Variants in PRKCH observed in about 807,000 individuals in gnomAD.
PRKCH encodes protein kinase C eta type.
PRKCH carries 28 observed loss-of-function variants against 82.5 expected under a neutral mutation model. The observed-to-expected ratio is 0.34, with a 90% CI of 0.25 to 0.47. The LOEUF is 0.47. Among genes scored for constraint, PRKCH ranks in the 20% least tolerant of loss-of-function variants. The pLI is 1.00. For synonymous variants in PRKCH, 322 were observed against 327.4 expected, an observed-to-expected ratio of 0.98 and a Z score of 0.18; for missense variants, 705 against 881.8, an observed-to-expected ratio of 0.80 and a Z score of 2.54.
rs1253050141 is a variant in PRKCH at position 61,549,844 on chromosome 14, T to TGA, written c.*21_*22dup. 1.2e-6 allele frequency: 2 copies of TGA among 1,610,782 alleles called. No individual in the cohort carries two copies. Among genetic ancestry groups the TGA allele is most frequent in the African/African-American group, 2.7e-5 (2 of 74,572 alleles). Reference sequence around the variant, plus strand: ...ATTGCAACCATAGCCTTATGGGGAGTGAGAGAGAGGGCACGAGAACCCAAA... The same window carrying TGA: ...ATTGCAACCATAGCCTTATGGGGAGTGAGAGAGAGAGGGCACGAGAACCCAAA... On this transcript the variant is annotated 3_prime_UTR_variant, in exon 14 of 14. Coordinates refer to ENST00000332981, the MANE Select transcript of PRKCH (RefSeq NM_006255.5).
intron 10 of PRKCH, among the ~76,000 whole-genome samples, chr14:61,514,061 A>G (rs2042786157): frequency 6.6e-6 from 1 of 152,072 alleles, no homozygotes; most frequent in Non-Finnish European, 1.5e-5. Flanking sequence ...AGATAGCACC[A>G]GCATTCCAGC....
intron 13 of PRKCH, among the ~76,000 whole-genome samples, chr14:61,548,451 T>C (rs904033003): frequency 2.0e-5 from 3 of 152,228 alleles, no homozygotes; most frequent in Non-Finnish European, 2.9e-5. Flanking sequence ...CAGCTGAGGC[T>C]GGTGGCCTTC....
chr14:61,339,199 C>A (rs1212931426), intron 1 of PRKCH, among the ~76,000 whole-genome samples: 1 of 151,916 alleles, frequency 6.6e-6, no homozygotes, highest in African/African-American at 2.4e-5. Context: ...GATGAGCTGG[C>A]CTCCTGTTCA....
At chr14:61,374,179 A>G (rs1257523952) in intron 1 of PRKCH, among the ~76,000 whole-genome samples, 5 of 152,126 alleles carry the variant, frequency 3.3e-5, no homozygotes, top group African/African-American at 1.2e-4. Context: ...CTTTGACTCC[A>G]TGTCTCACAT....
chr14:61,414,920 T>C (rs1181308238), intron 2 of PRKCH, among the ~76,000 whole-genome samples: 4 of 152,194 alleles, frequency 2.6e-5, no homozygotes, highest in African/African-American at 9.6e-5. Context: ...TTGTCCTTCC[T>C]CTGTTTCCTT....
At chr14:61,455,882 C>T (rs1309177662) in intron 7 of PRKCH, among the ~76,000 whole-genome samples, 1 of 152,128 alleles carries the variant, frequency 6.6e-6, no homozygotes, top group Non-Finnish European at 1.5e-5. Flanking sequence ...AACTGGAAAG[C>T]CAACTGAGGC....
intron 12 of PRKCH, among the ~76,000 whole-genome samples, chr14:61,542,370 GA>G (rs61011878): frequency 0.018 from 2,613 of 148,058 alleles, 70 homozygotes; most frequent in African/African-American, 0.061. Context: ...TTTCTGTCAG[GA>G]AAAAAAAAAA....
chr14:61,229,784 C>G (rs935106269), intron 1 of PRKCH, among the ~76,000 whole-genome samples: 1 of 152,148 alleles, frequency 6.6e-6, no homozygotes, highest in Non-Finnish European at 1.5e-5. Flanking sequence ...GAAATGGGCT[C>G]TATTCCTTCT....
chr14:61,549,367 G>C (rs181518360), intron 13 of PRKCH, among the ~76,000 whole-genome samples: 118 of 152,328 alleles, frequency 7.7e-4, no homozygotes, highest in Non-Finnish European at 1.5e-3. Context: ...ATGCCACCTT[G>C]GTGAAATGAG....
intron 6 of PRKCH, among the ~76,000 whole-genome samples, chr14:61,452,009 C>T (rs892875701): frequency 2.1e-4 from 32 of 152,224 alleles, no homozygotes; most frequent in African/African-American, 7.0e-4. Flanking sequence ...GTGACGGTCT[C>T]ACCTGGGTAT....
At chr14:61,212,854 G>A (rs1374142792) in intron 1 of PRKCH, among the ~76,000 whole-genome samples, 3 of 152,246 alleles carry the variant, frequency 2.0e-5, no homozygotes, top group Non-Finnish European at 4.4e-5. Context: ...TCCGTGAGCA[G>A]AGGAGGGAGC....
chr14:61,235,159 T>A (rs1454037305), intron 1 of PRKCH, among the ~76,000 whole-genome samples: 1 of 152,184 alleles, frequency 6.6e-6, no homozygotes, highest in Non-Finnish European at 1.5e-5. Flanking sequence ...TAAATTTCCA[T>A]AGTAATTTCC....
intron 13 of PRKCH, among the ~76,000 whole-genome samples, chr14:61,548,139 A>T (rs745840605): frequency 1.3e-5 from 2 of 152,214 alleles, no homozygotes; most frequent in African/African-American, 4.8e-5. Flanking sequence ...CTCAACCTAA[A>T]TTAAAATCTT....
chr14:61,394,831 A>C (rs1259775415), intron 2 of PRKCH, among the ~76,000 whole-genome samples: 2 of 152,184 alleles, frequency 1.3e-5, no homozygotes, highest in African/African-American at 4.8e-5. Flanking sequence ...TATCTTTGGT[A>C]ATTCCATCTT....
intron 1 of PRKCH, among the ~76,000 whole-genome samples, chr14:61,351,388 G>A (rs1465701469): frequency 6.6e-6 from 1 of 152,210 alleles, no homozygotes; most frequent in Non-Finnish European, 1.5e-5. Context: ...GAGGAGTGCA[G>A]GTGGTGGTGT....
chr14:61,350,826 G>C (rs1471953150), intron 1 of PRKCH, among the ~76,000 whole-genome samples: 1 of 152,178 alleles, frequency 6.6e-6, no homozygotes, highest in African/African-American at 2.4e-5. Flanking sequence ...TAACTTTGCT[G>C]TTATAGATCT....
chr14:61,337,951 T>G (rs1038478392), intron 1 of PRKCH, among the ~76,000 whole-genome samples: 1 of 152,248 alleles, frequency 6.6e-6, no homozygotes, highest in African/African-American at 2.4e-5. Context: ...CTTTGTTAGC[T>G]CTTTGGTTGT....
chr14:61,257,612 C>G (rs1052737131), intron 1 of PRKCH, among the ~76,000 whole-genome samples: 1 of 50,514 alleles, frequency 2.0e-5, no homozygotes, highest in East Asian at 6.7e-4. Flanking sequence ...CAGACACACA[C>G]ACACACACAC....
chr14:61,499,044 C>A (rs1238841832), intron 10 of PRKCH, among the ~76,000 whole-genome samples: 1 of 152,102 alleles, frequency 6.6e-6, no homozygotes, highest in Non-Finnish European at 1.5e-5. Context: ...AAGGATTAGA[C>A]CGAGGCGTTG....
Sources: allele counts gnomAD v4.1 joint callset (sites outside exome capture counted in the v4.1 genomes callset), GRCh38; gene constraint gnomAD v4.1.1; transcripts MANE v1.5; gene names NCBI Gene and HGNC (gene_info 2026-07-23, HGNC 2026-07-21).